MFSD12: variants seen among roughly 807,000 people sequenced by gnomAD.
MFSD12 encodes major facilitator superfamily domain-containing protein 12.
In MFSD12, 67 loss-of-function variants were observed where a neutral mutation model predicts 51.2. The ratio of observed to expected loss-of-function variants is 1.31; its 90% CI spans 1.08 to 1.60. The LOEUF is 1.60. MFSD12 is among the 40% of genes most tolerant of loss of function. MFSD12 has a pLI of 0.00. For missense variants in MFSD12, 921 were observed against 673.0 expected, an observed-to-expected ratio of 1.37 and a Z score of -4.08; for synonymous variants, 441 against 316.7, an observed-to-expected ratio of 1.39 and a Z score of -4.17.
chr19:3,553,888 C>G (rs2031607411), intron 1 of MFSD12, among the ~76,000 whole-genome samples: 1 of 151,376 alleles, frequency 6.6e-6, no homozygotes, highest in Admixed American at 6.6e-5. Context: ...TCGAGACCAG[C>G]CTGACCAACA....
intron 2 of MFSD12, among the ~76,000 whole-genome samples, chr19:3,550,397 G>GTT (rs879337204): frequency 2.6e-4 from 38 of 144,830 alleles, no homozygotes; most frequent in African/African-American, 8.8e-4. Context: ...AAAACTTTTT[G>GTT]TTTTTTTTTT....
At chr19:3,543,214 C>G, downstream of MFSD12, 4 of 1,538,148 alleles carry the variant, frequency 2.6e-6, no homozygotes, top group Non-Finnish European at 3.5e-6. Flanking sequence ...GGCTCAGTCT[C>G]TGCCCCCTGC....
chr19:3,538,582 A>AGGTGCATCCGCAC (rs1196448878), exon 5 of MFSD12: 2 of 412,068 alleles, frequency 4.9e-6, no homozygotes, highest in Non-Finnish European at 1.0e-5. Context: ...GACATCCTCA[A>AGGTGCATCCGCAC]GGTGCATCCG....
In MFSD12 at chr19:3,544,624, C is replaced by G; in HGVS notation, c.*86G>C. The G allele has an allele frequency of 6.6e-7, 1 of 1,518,106 alleles. No individual in the cohort carries two copies. Among genetic ancestry groups the G allele is most frequent in the South Asian group, 1.3e-5 (1 of 78,348 alleles). 94.0% of individuals were successfully genotyped at this position (1,518,106 alleles called of 1,614,324 possible). A position where few individuals can be genotyped will look rare whatever the true frequency, so the allele number is the denominator to read the frequency against. ...TGGGGGTCCAGAGAAGAGTGAGGGGCAGTGGGGGCTTTTCCCCAAGGCCCT... is the reference window on the plus strand; with the variant it reads ...TGGGGGTCCAGAGAAGAGTGAGGGGGAGTGGGGGCTTTTCCCCAAGGCCCT... On this transcript the variant is annotated 3_prime_UTR_variant, in exon 10 of 10. Coordinates refer to ENST00000355415, the MANE Select transcript of MFSD12 (RefSeq NM_174983.5).
Position 3,547,972 on chromosome 19 carries a change from C to T in MFSD12, c.713G>A (p.Gly238Asp), listed in dbSNP as rs774100782. ...ATGCGGCCGGCGCCTCTCCCGGGTG[C>T]CCAGGTGGAATAGCAGTGAGAACAC... is the stretch of plus-strand genomic sequence containing the variant. ...GAVFSLLFHL[G>D]TRERRRPHAE... is the part of the protein sequence containing the mutation. Residue 238 changes from glycine to aspartate, a missense_variant, in exon 4 of 10, where the codon GGC becomes GAC. Gly to Asp is a moderately conservative substitution (Grantham distance 94, BLOSUM62 -1). Transcript: ENST00000355415. 1.7e-4 allele frequency: 278 copies of T among 1,597,432 alleles called. No individual in the cohort carries two copies. The highest frequency in any genetic ancestry group is 2.2e-4 in the Non-Finnish European group (260 of 1,178,696).
At chr19:3,540,614 T>C (rs1400567862), downstream of MFSD12, among the ~76,000 whole-genome samples, 3 of 150,182 alleles carry the variant, frequency 2.0e-5, no homozygotes, top group Admixed American at 6.7e-5. Flanking sequence ...GCGCAGTGGC[T>C]CACGCCTGTA....
chr19:3,539,780 C>T (rs1417243361), downstream of MFSD12: 1 of 155,876 alleles, frequency 6.4e-6, no homozygotes, highest in African/African-American at 2.4e-5. Flanking sequence ...GCTGCATCTG[C>T]TAAAACCATT....
rs1240601831 is a variant in MFSD12 at position 3,546,408 on chromosome 19, G to A, written c.1041C>T (p.Gly347=). ...CGGCAAAGGCCAGGATCACCAGGAG[G>A]CCTGAGAAGTAGGTCATCTGCAGGG... ...CIGRNMTYFS[G]LLVILAFAAW... Residue 347 remains glycine (G), a synonymous_variant, in exon 7 of 10, where the codon GGC becomes GGT. Coordinates refer to ENST00000355415, the MANE Select transcript of MFSD12 (RefSeq NM_174983.5). The A allele has an allele frequency of 1.9e-6, 3 of 1,606,836 alleles. No individual in the cohort carries two copies. The highest frequency in any genetic ancestry group is 2.5e-6 in the Non-Finnish European group (3 of 1,177,480).
chr19:3,547,031 G>A (rs1160216490), intron 6 of MFSD12, among the ~76,000 whole-genome samples: 8 of 152,158 alleles, frequency 5.3e-5, no homozygotes, highest in Non-Finnish European at 1.2e-4. Context: ...GTAGAGACGG[G>A]GTTTCACCGT....
chr19:3,539,556 CCTGTGCG>C, downstream of MFSD12: 1 of 445,534 alleles, frequency 2.2e-6, no homozygotes, highest in Non-Finnish European at 4.1e-6. Context: ...GAAATCCAGG[CCTGTGCG>C]GGGCTGGGCC....
intron 4 of MFSD12, 142 bp from the exon 5 acceptor site, chr19:3,547,689 G>A (rs1186206279): frequency 2.5e-6 from 3 of 1,179,908 alleles, no homozygotes; most frequent in Non-Finnish European, 3.5e-6. Context: ...GGGTGGGCCA[G>A]GAAGAGGAGA....
intron 4 of MFSD12, chr19:3,539,185 C>G (rs577683034): frequency 3.5e-5 from 54 of 1,550,350 alleles, no homozygotes; most frequent in Non-Finnish European, 4.4e-5. Context: ...GACATGCAAA[C>G]CCTCAGGCAA....
chr19:3,543,051 T>C, downstream of MFSD12: 1 of 1,603,000 alleles, frequency 6.2e-7, no homozygotes, highest in South Asian at 1.1e-5. Context: ...AGTCAGCCTC[T>C]CTCCTCAAGC....
At chr19:3,556,911 G>A (rs1474065510) in intron 1 of MFSD12, among the ~76,000 whole-genome samples, 195 bp downstream of exon 1, 1 of 152,196 alleles carries the variant, frequency 6.6e-6, no homozygotes, top group East Asian at 1.9e-4. Context: ...AGCTCATAGG[G>A]CAGACAGATA....
chr19:3,544,655 G>A lies in MFSD12; in HGVS notation c.*55C>T. On this transcript the variant is annotated 3_prime_UTR_variant, in exon 10 of 10. Coordinates refer to ENST00000355415, the MANE Select transcript of MFSD12 (RefSeq NM_174983.5). ...GGGCTTTTCCCCAAGGCCCTGGGGGGCATCCTCGTGCGTCCCCACAGTTCC... is the reference window on the plus strand; with the variant it reads ...GGGCTTTTCCCCAAGGCCCTGGGGGACATCCTCGTGCGTCCCCACAGTTCC... 2 of 1,547,600 alleles carry A rather than the reference G, an allele frequency of 1.3e-6. No homozygotes were observed. Among genetic ancestry groups the A allele is most frequent in the Non-Finnish European group, 1.8e-6 (2 of 1,142,044 alleles).
At position 3,557,226 on chromosome 19, in the gene MFSD12, G is replaced by T; in HGVS notation, c.178C>A (p.Leu60Met). The change falls in exon 1 of 10, where the codon CTG becomes ATG. Residue 60 changes from leucine (L) to methionine (M), a missense_variant. Coordinates refer to ENST00000355415, the MANE Select transcript of MFSD12 (RefSeq NM_174983.5). ...VRAYSSRGAG[L>M]LLLLGQVADG... ...GCCACCTGGCCCAGCAGCAGCAGCA[G>T]CCCCGCGCCGCGGGAGCTGTAGGCG... The T allele has an allele frequency of 6.3e-7, 1 of 1,588,582 alleles. No individual in the cohort carries two copies.
chr19:3,549,672 G>A (rs560695675), intron 2 of MFSD12, among the ~76,000 whole-genome samples: 2 of 148,556 alleles, frequency 1.3e-5, no homozygotes, highest in East Asian at 2.0e-4. Context: ...GCAGTGAGCC[G>A]AGATGGCGCC....
Position 3,557,494 on chromosome 19 carries a change from G to T in MFSD12, c.-91C>A. 1 of 816,514 alleles carries T rather than the reference G, an allele frequency of 1.2e-6. No individual in the cohort carries two copies. 50.6% of individuals were successfully genotyped at this position (816,514 alleles called of 1,614,324 possible). A position where few individuals can be genotyped will look rare whatever the true frequency, so the allele number is the denominator to read the frequency against. On this transcript the variant is annotated 5_prime_UTR_variant, in exon 1 of 10. Transcript: ENST00000355415. ...GGGTGCCGTGGGGGCAGGCGCCGGGGACCCCCACCACGCGCCGGGCACCCC... is the reference window on the plus strand; with the variant it reads ...GGGTGCCGTGGGGGCAGGCGCCGGGTACCCCCACCACGCGCCGGGCACCCC...
chr19:3,549,482 G>C (rs921431635), intron 2 of MFSD12, among the ~76,000 whole-genome samples: 8 of 152,312 alleles, frequency 5.3e-5, no homozygotes, highest in Admixed American at 5.2e-4. Flanking sequence ...TCAGCACTTT[G>C]GGAGGCTGAG....
Sources: allele counts gnomAD v4.1 joint callset (sites outside exome capture counted in the v4.1 genomes callset), GRCh38; gene constraint gnomAD v4.1.1; transcripts MANE v1.5; gene names NCBI Gene and HGNC (gene_info 2026-07-23, HGNC 2026-07-21).